The following GPC6 variants were observed in gnomAD, a reference collection of about 807,000 sequenced individuals.
The protein encoded by GPC6 is glypican-6.
A neutral mutation model predicts 55.2 loss-of-function variants in GPC6; 14 were observed. The observed-to-expected ratio is 0.25, with a 90% CI of 0.17 to 0.40. The LOEUF (loss-of-function observed/expected upper bound fraction) is 0.40. GPC6 is among the 10% of genes least tolerant of loss of function. GPC6 has a pLI of 1.00. For missense variants in GPC6, 641 were observed against 708.5 expected, an observed-to-expected ratio of 0.90 and a Z score of 1.08; for synonymous variants, 278 against 259.6, an observed-to-expected ratio of 1.07 and a Z score of -0.68.
intron 6 of GPC6, among the ~76,000 whole-genome samples, chr13:94,356,811 A>T (rs1594201570): frequency 6.6e-6 from 1 of 152,150 alleles, no homozygotes; most frequent in Non-Finnish European, 1.5e-5. Context: ...TTGAGGCGGG[A>T]GGGTTGTTTG....
rs1396249866 is a variant in GPC6 at position 93,657,380 on chromosome 13, A to G, written c.319+111959A>G. On this transcript the variant is annotated intron_variant, in intron 2 of 8. Transcript: ENST00000377047. ...ACTTTCTATTCAATAAATAATGCTGAGATAACCAGCTAGCCATATGCAGAA... is the reference window on the plus strand; with the variant it reads ...ACTTTCTATTCAATAAATAATGCTGGGATAACCAGCTAGCCATATGCAGAA... Among the ~76,000 whole-genome samples, 3 of 152,036 alleles carry G rather than the reference A, an allele frequency of 2.0e-5. 1 individual carries two copies. The highest frequency in any genetic ancestry group is 4.1e-4 in the South Asian group (2 of 4,834).
At chr13:93,769,564 C>G (rs1233816288) in intron 2 of GPC6, among the ~76,000 whole-genome samples, 2 of 152,200 alleles carry the variant, frequency 1.3e-5, no homozygotes, top group Non-Finnish European at 2.9e-5. Context: ...TCTTGCACTC[C>G]TCTTCTCCTG....
intron 1 of GPC6, among the ~76,000 whole-genome samples, chr13:93,320,322 C>T (rs1285955568): frequency 1.3e-5 from 2 of 151,872 alleles, no homozygotes; most frequent in African/African-American, 4.8e-5. Context: ...CAAGTATATT[C>T]TTTTAACTAC....
In GPC6 at chr13:93,899,875, C is replaced by T. The variant is rs373116533; in HGVS notation, c.711+69330C>T. On this transcript the variant is annotated intron_variant, in intron 3 of 8. Coordinates refer to ENST00000377047, the MANE Select transcript of GPC6 (RefSeq NM_005708.5). The stretch of plus-strand genomic sequence containing the variant: ...TTTTAATTAAGGAATGTTGATCAGG[C>T]AATTGTGCTTTAAAAACATGTTTCC... Among the ~76,000 whole-genome samples the T allele has an allele frequency of 3.3e-5, 5 of 151,992 alleles. No individual in the cohort carries two copies. The East Asian group carries it at 7.7e-4, about 23-fold the overall frequency.
At chr13:93,317,369 C>A (rs7338914) in intron 1 of GPC6, among the ~76,000 whole-genome samples, 1 of 151,750 alleles carries the variant, frequency 6.6e-6, no homozygotes, top group Non-Finnish European at 1.5e-5. Flanking sequence ...AGAGATTTGA[C>A]GAAAGCTCTG....
chr13:93,455,231 C>T (rs1000652480), intron 1 of GPC6, among the ~76,000 whole-genome samples: 6 of 152,178 alleles, frequency 3.9e-5, no homozygotes, highest in African/African-American at 1.4e-4. Flanking sequence ...GAAAGGGGCT[C>T]CCACAGTGCA....
rs138595980 is a variant in GPC6, at chr13:93,499,504, G to A, written c.161-45759G>A. Among the ~76,000 whole-genome samples, 10 of 152,288 alleles carry A rather than the reference G, an allele frequency of 6.6e-5. No individual in the cohort carries two copies. The East Asian group carries it at 1.7e-3, about 26-fold the overall frequency. On this transcript the variant is annotated intron_variant, in intron 1 of 8. Coordinates refer to ENST00000377047, the MANE Select transcript of GPC6 (RefSeq NM_005708.5). ...CTCATCTCTAAGCGTGTCCTGGAAC[G>A]GGACTGAGTTAGGGCACTTGTCCTC...
chr13:93,645,075 A>G (rs1427392463), intron 2 of GPC6, among the ~76,000 whole-genome samples: 3 of 152,122 alleles, frequency 2.0e-5, no homozygotes, highest in African/African-American at 7.2e-5. Context: ...GAGAAAGAGG[A>G]TAAGAATCAG....
intron 3 of GPC6, among the ~76,000 whole-genome samples, chr13:93,953,138 G>A (rs975361612): frequency 9.9e-5 from 15 of 151,484 alleles, no homozygotes; most frequent in Admixed American, 5.9e-4. Flanking sequence ...ACCTTCCCTC[G>A]TGGTTTTTGA....
At chr13:93,576,337 A>C (rs2139482005) in intron 2 of GPC6, among the ~76,000 whole-genome samples, 1 of 152,300 alleles carries the variant, frequency 6.6e-6, no homozygotes, top group East Asian at 1.9e-4. Flanking sequence ...TGCACAATAC[A>C]AAATTTTATA....
intron 2 of GPC6, among the ~76,000 whole-genome samples, chr13:93,804,824 T>G (rs1886492921): frequency 6.6e-6 from 1 of 152,198 alleles, no homozygotes; most frequent in Non-Finnish European, 1.5e-5. Context: ...CTCCATGTAA[T>G]AGCTGCATGA....
At chr13:93,985,571 A>T (rs1032409607) in intron 3 of GPC6, among the ~76,000 whole-genome samples, 17 of 151,524 alleles carry the variant, frequency 1.1e-4, no homozygotes, top group African/African-American at 4.1e-4. Flanking sequence ...ACATACCTAT[A>T]GTCTCAGCTA....
intron 2 of GPC6, among the ~76,000 whole-genome samples, chr13:93,678,953 C>G (rs1399855266): frequency 2.6e-5 from 4 of 152,130 alleles, no homozygotes; most frequent in Non-Finnish European, 5.9e-5. Context: ...TTAACTCTTG[C>G]TTTTTGCAGT....
chr13:93,350,094 G>T (rs1457987887), intron 1 of GPC6, among the ~76,000 whole-genome samples: 1 of 152,182 alleles, frequency 6.6e-6, no homozygotes, highest in East Asian at 1.9e-4. Context: ...TCCCAGGGAA[G>T]TAAAATGGGT....
chr13:93,634,572 G>A (rs995575474), intron 2 of GPC6, among the ~76,000 whole-genome samples: 2 of 152,072 alleles, frequency 1.3e-5, no homozygotes, highest in Non-Finnish European at 2.9e-5. Flanking sequence ...CATATGTTTT[G>A]TGGTTCCGGG....
chr13:93,365,841 G>T (rs930619120), intron 1 of GPC6, among the ~76,000 whole-genome samples: 2 of 152,044 alleles, frequency 1.3e-5, no homozygotes, highest in Non-Finnish European at 2.9e-5. Flanking sequence ...TATGTAGAGT[G>T]TTGGCTCTTC....
At chr13:93,387,451 T>G (rs1275061033) in intron 1 of GPC6, among the ~76,000 whole-genome samples, 1 of 152,220 alleles carries the variant, frequency 6.6e-6, no homozygotes, top group Non-Finnish European at 1.5e-5. Context: ...CTGTGTTAGT[T>G]TGCTGAGAAT....
chr13:94,138,427 C>T (rs1161138747), intron 4 of GPC6, among the ~76,000 whole-genome samples: 4 of 152,114 alleles, frequency 2.6e-5, no homozygotes, highest in Admixed American at 2.0e-4. Flanking sequence ...TCGTTCCAGT[C>T]GTCTTTATAC....
chr13:94,349,258 T>C (rs1878423188), intron 6 of GPC6, among the ~76,000 whole-genome samples: 1 of 152,190 alleles, frequency 6.6e-6, no homozygotes, highest in Admixed American at 6.5e-5. Context: ...GAAATGCCTC[T>C]CCTACATGAG....
Sources: allele counts gnomAD v4.1 joint callset (sites outside exome capture counted in the v4.1 genomes callset), GRCh38; gene constraint gnomAD v4.1.1; transcripts MANE v1.5; gene names NCBI Gene and HGNC (gene_info 2026-07-23, HGNC 2026-07-21).